The following PTPRD variants were observed in gnomAD, a reference collection of about 807,000 sequenced individuals.
PTPRD encodes the protein receptor-type tyrosine-protein phosphatase delta.
Under a neutral mutation model 214.5 loss-of-function variants are expected in PTPRD, and 34 were observed. The ratio of observed to expected loss-of-function variants is 0.16; its 90% CI spans 0.12 to 0.21. The LOEUF is 0.21. PTPRD is among the 10% of genes least tolerant of loss of function. The pLI, the probability that PTPRD is intolerant of heterozygous loss-of-function variation, is 1.00. For missense variants in PTPRD, 2,545 were observed against 2,398.7 expected (o/e 1.06, Z -1.27); for synonymous variants, 1,128 against 845.7 (o/e 1.33, Z -5.79).
intron 11 of PTPRD, among the ~76,000 whole-genome samples, chr9:8,992,944 T>A (rs2099383164): frequency 6.6e-6 from 1 of 152,096 alleles, no homozygotes; most frequent in South Asian, 2.1e-4. Context: ...GGTTTGCAAT[T>A]TGCTTTCAAA....
chr9:9,534,552 G>C (rs2076141387), intron 8 of PTPRD, among the ~76,000 whole-genome samples: 2 of 152,062 alleles, frequency 1.3e-5, no homozygotes, highest in African/African-American at 4.8e-5. Flanking sequence ...ACACCAGTTA[G>C]AAACAAGTGC....
At chr9:8,712,717 C>CT (rs1288200840) in intron 12 of PTPRD, among the ~76,000 whole-genome samples, 4 of 133,176 alleles carry the variant, frequency 3.0e-5, no homozygotes, top group East Asian at 2.3e-4. Context: ...CGTATCAATT[C>CT]TTTTTTGGGG....
chr9:10,156,037 T>C (rs1040361884), intron 3 of PTPRD, among the ~76,000 whole-genome samples: 1 of 151,526 alleles, frequency 6.6e-6, no homozygotes, highest in African/African-American at 2.4e-5. Flanking sequence ...TATTATGTTT[T>C]TCCAAAAAAC....
chr9:10,580,243 A>G (rs937707892), intron 2 of PTPRD, among the ~76,000 whole-genome samples: 6 of 152,180 alleles, frequency 3.9e-5, no homozygotes, highest in African/African-American at 9.6e-5. Flanking sequence ...TGGCATCACT[A>G]TAAGCATTTC....
At position 9,202,250 on chromosome 9, in the gene PTPRD, T is replaced by C. The variant is rs550104842; in HGVS notation, c.-202-18887A>G. Among the ~76,000 whole-genome samples, 93 of 152,294 alleles carry C rather than the reference T, an allele frequency of 6.1e-4. 1 individual carries two copies. Among genetic ancestry groups the C allele is most frequent in the African/African-American group, 2.2e-3 (92 of 41,570 alleles). On this transcript the variant is annotated intron_variant, in intron 9 of 45. Coordinates refer to ENST00000381196, the MANE Select transcript of PTPRD (RefSeq NM_002839.4). The stretch of plus-strand genomic sequence containing the variant: ...GCACTCTATTATAACACAAATCTTA[T>C]TGTCAGATCTATTGCAGTCTTACCT...
chr9:9,355,132 G>C (rs552795812), intron 9 of PTPRD, among the ~76,000 whole-genome samples: 1 of 151,710 alleles, frequency 6.6e-6, no homozygotes, highest in Non-Finnish European at 1.5e-5. Context: ...GTATACACTT[G>C]TGTTACTATC....
intron 3 of PTPRD, among the ~76,000 whole-genome samples, chr9:10,127,009 C>A (rs10958898): frequency 1.4e-5 from 2 of 147,526 alleles, no homozygotes; most frequent in Non-Finnish European, 3.0e-5. Context: ...TTCTGGGTAA[C>A]AGGATATTCA....
chr9:9,817,228 TA>T (rs952972215), intron 5 of PTPRD, among the ~76,000 whole-genome samples: 1 of 152,172 alleles, frequency 6.6e-6, no homozygotes, highest in African/African-American at 2.4e-5. Context: ...AACTCATTGC[TA>T]AATCTTTTAA....
intron 2 of PTPRD, among the ~76,000 whole-genome samples, chr9:10,444,286 CAAT>C (rs1241596733): frequency 6.6e-6 from 1 of 151,724 alleles, no homozygotes; most frequent in African/African-American, 2.4e-5. Flanking sequence ...TCAAAATAGA[CAAT>C]ATCTAAATTT....
Position 9,645,455 on chromosome 9 carries a change from ATG to A in PTPRD, c.-286-70676_-286-70675del, listed in dbSNP as rs898463386. ...ATAATTATCAGGTTTCCCTACATAT[ATG>A]TATATATATATATATATATATATTT... On this transcript the variant is annotated intron_variant, in intron 7 of 45. Coordinates refer to ENST00000381196, the MANE Select transcript of PTPRD (RefSeq NM_002839.4). Among the ~76,000 whole-genome samples the A allele has an allele frequency of 1.0e-4, 10 of 99,306 alleles. No individual in the cohort carries two copies. The East Asian group carries it at 1.1e-3, about 11-fold the overall frequency. 65.1% of individuals were successfully genotyped at this position (99,306 alleles called of 152,430 possible).
intron 39 of PTPRD, among the ~76,000 whole-genome samples, chr9:8,346,366 C>G (rs1564140154): frequency 6.6e-6 from 1 of 152,056 alleles, no homozygotes; most frequent in African/African-American, 2.4e-5. Context: ...ATTTTATGCT[C>G]TTGAGGTGAA....
rs545534919 is a variant in PTPRD at position 9,389,458 on chromosome 9, T to G, written c.-203+7991A>C. 1.2e-3 allele frequency among the ~76,000 whole-genome samples: 178 copies of G among 152,254 alleles called. 1 individual carries two copies. Among genetic ancestry groups the G allele is most frequent in the Admixed American group, 2.7e-3 (41 of 15,284 alleles). The stretch of plus-strand genomic sequence containing the variant: ...CCGGGAGGCAGAGGTTGTGGTGAGC[T>G]GAGATCGTGCCATTGCACTCCAGCT... On this transcript the variant is annotated intron_variant, in intron 9 of 45. Transcript: ENST00000381196.
chr9:9,436,478 C>T (rs1390579302), intron 8 of PTPRD, among the ~76,000 whole-genome samples: 1 of 152,118 alleles, frequency 6.6e-6, no homozygotes, highest in Non-Finnish European at 1.5e-5. Flanking sequence ...AAGAATTAAA[C>T]TCTCCCTAAT....
chr9:8,690,911 CTTAATAA>C (rs2097787754), intron 12 of PTPRD, among the ~76,000 whole-genome samples: 1 of 152,108 alleles, frequency 6.6e-6, no homozygotes, highest in African/African-American at 2.4e-5. Context: ...ATTAAGCAGA[CTTAATAA>C]TTAAGTGGAA....
intron 5 of PTPRD, among the ~76,000 whole-genome samples, chr9:9,784,694 C>T (rs1273582476): frequency 6.6e-6 from 1 of 151,048 alleles, no homozygotes; most frequent in African/African-American, 2.4e-5. Context: ...ACTGTGCTAG[C>T]TTAAAATCTG....
At chr9:8,924,691 G>A (rs1381308459) in intron 11 of PTPRD, among the ~76,000 whole-genome samples, 2 of 152,010 alleles carry the variant, frequency 1.3e-5, no homozygotes, top group Non-Finnish European at 2.9e-5. Context: ...TCTGTAGAAG[G>A]AAACTGTTAA....
chr9:8,760,801 AC>A (rs2094366159), intron 11 of PTPRD, among the ~76,000 whole-genome samples: 1 of 152,174 alleles, frequency 6.6e-6, no homozygotes. Flanking sequence ...CAAGAAAAAA[AC>A]AAAAGGTTTT....
chr9:9,015,020 A>C (rs555815429), intron 11 of PTPRD, among the ~76,000 whole-genome samples: 25 of 152,172 alleles, frequency 1.6e-4, no homozygotes, highest in Non-Finnish European at 3.4e-4. Context: ...AGAATTACTT[A>C]TGGATTTAAA....
intron 7 of PTPRD, among the ~76,000 whole-genome samples, chr9:9,625,057 T>C (rs898582804): frequency 6.6e-5 from 10 of 152,324 alleles, no homozygotes; most frequent in Admixed American, 3.9e-4. Flanking sequence ...AAATCCATAG[T>C]GATGACTTGA....
Sources: gnomAD v4.1 joint callset for allele counts (sites outside exome capture counted in the v4.1 genomes callset) on GRCh38, gnomAD v4.1.1 for gene constraint, MANE v1.5 for transcripts, NCBI Gene and HGNC (gene_info 2026-07-23, HGNC 2026-07-21) for gene names.